The following TYR variants were observed in gnomAD, a reference collection of about 807,000 sequenced individuals.
TYR encodes tyrosinase, also known as LB24-AB.
TYR carries 58 observed loss-of-function variants against 51.5 expected under a neutral mutation model. The ratio of observed to expected loss-of-function variants is 1.13; its 90% CI spans 0.91 to 1.40. The LOEUF (loss-of-function observed/expected upper bound fraction) is 1.40. TYR is among the 40% of genes most tolerant of loss of function. TYR has a pLI of 0.00. For synonymous variants in TYR, 263 were observed against 235.2 expected, an observed-to-expected ratio of 1.12 and a Z score of -1.08; for missense variants, 732 against 647.4, an observed-to-expected ratio of 1.13 and a Z score of -1.42.
At chr11:89,196,267 C>T (rs894656418) in intron 2 of TYR, among the ~76,000 whole-genome samples, 1 of 151,956 alleles carries the variant, frequency 6.6e-6, no homozygotes, top group Non-Finnish European at 1.5e-5. Flanking sequence ...TAATGGCCTA[C>T]ATTTAGTGGA....
chr11:89,212,362 A>G (rs1174629460), intron 2 of TYR, among the ~76,000 whole-genome samples: 1 of 152,146 alleles, frequency 6.6e-6, no homozygotes, highest in Non-Finnish European at 1.5e-5. Flanking sequence ...TCCTCAACAC[A>G]TACACCCTCC....
intron 1 of TYR, among the ~76,000 whole-genome samples, chr11:89,189,745 T>C (rs182476285): frequency 1.3e-5 from 2 of 152,168 alleles, no homozygotes; most frequent in African/African-American, 4.8e-5. Flanking sequence ...CTTCATTTGA[T>C]AGATGAGGCC....
intron 3 of TYR, among the ~76,000 whole-genome samples, chr11:89,236,235 T>C (rs201947165): frequency 2.7e-5 from 4 of 148,818 alleles, no homozygotes; most frequent in East Asian, 2.0e-4. Context: ...CACACACACA[T>C]ACACACACAC....
At chr11:89,283,755 T>C (rs1476196251) in intron 3 of TYR, 1 of 151,900 alleles carries the variant, frequency 6.6e-6, no homozygotes, top group Non-Finnish European at 1.5e-5. Flanking sequence ...TCTCTATAAA[T>C]TACTCTACAA....
At chr11:89,265,432 T>C (rs1200116431) in intron 3 of TYR, among the ~76,000 whole-genome samples, 1 of 152,092 alleles carries the variant, frequency 6.6e-6, no homozygotes, top group Non-Finnish European at 1.5e-5. Flanking sequence ...ATAGCTCCTA[T>C]TACCCTTGAT....
intron 3 of TYR, among the ~76,000 whole-genome samples, chr11:89,281,642 A>G (rs1398279309): frequency 6.6e-6 from 1 of 151,786 alleles, no homozygotes; most frequent in Non-Finnish European, 1.5e-5. Flanking sequence ...TGAGGATGGC[A>G]GTTTGCCCCG....
chr11:89,219,738 A>G (rs934825405), intron 2 of TYR, among the ~76,000 whole-genome samples: 1 of 152,158 alleles, frequency 6.6e-6, no homozygotes, highest in Non-Finnish European at 1.5e-5. Context: ...TGGTGACACT[A>G]CCAAAAATTC....
At chr11:89,204,665 T>C (rs1040389755) in intron 2 of TYR, among the ~76,000 whole-genome samples, 21 of 152,228 alleles carry the variant, frequency 1.4e-4, no homozygotes, top group African/African-American at 4.8e-4. Context: ...CCCAAAGTAC[T>C]GGGATTACAG....
intron 1 of TYR, among the ~76,000 whole-genome samples, chr11:89,183,874 A>G (rs1430627914): frequency 6.6e-6 from 1 of 152,154 alleles, no homozygotes; most frequent in South Asian, 2.1e-4. Context: ...TGTCATTATT[A>G]AACACTTTAC....
At chr11:89,198,754 C>CATATATATATATATATATATATAT (rs144458836) in intron 2 of TYR, among the ~76,000 whole-genome samples, 20 of 146,386 alleles carry the variant, frequency 1.4e-4, no homozygotes, top group African/African-American at 5.3e-4. Flanking sequence ...ACTTTTTTCT[C>CATATATATATATATATATATATAT]ATATATATAT....
At chr11:89,185,932 G>A (rs1212978585) in intron 1 of TYR, among the ~76,000 whole-genome samples, 1 of 152,068 alleles carries the variant, frequency 6.6e-6, no homozygotes, top group African/African-American at 2.4e-5. Context: ...AAATAATTTG[G>A]TGAAGGATTC....
intron 4 of TYR, among the ~76,000 whole-genome samples, chr11:89,286,378 G>A (rs376451533): frequency 6.6e-6 from 1 of 151,820 alleles, no homozygotes; most frequent in African/African-American, 2.4e-5. Flanking sequence ...GTTTATAATA[G>A]TTCACACATA....
intron 3 of TYR, among the ~76,000 whole-genome samples, chr11:89,235,075 A>T (rs188746805): frequency 1.3e-4 from 20 of 152,284 alleles, no homozygotes; most frequent in African/African-American, 4.6e-4. Flanking sequence ...TAAGCAGATG[A>T]AAAAATGCTC....
At position 89,191,294 on chromosome 11, in the gene TYR, T is replaced by G; in HGVS notation, c.912T>G (p.His304Gln). ...EGPLRRNPGN[H>Q]DKSRTPRLPS... Reference sequence around the variant, plus strand: ...CTTTACGGCGTAATCCTGGAAACCATGACAAATCCAGAACCCCAAGGCTCC... The same window carrying G: ...CTTTACGGCGTAATCCTGGAAACCAGGACAAATCCAGAACCCCAAGGCTCC... The change falls in exon 2 of 5, where the codon CAT becomes CAG. Residue 304 changes from histidine (H) to glutamine (Q), a missense_variant. Physicochemically the swap from His to Gln is conservative, Grantham distance 24 (BLOSUM62 0). Coordinates refer to ENST00000263321, the MANE Select transcript of TYR (RefSeq NM_000372.5). The G allele has an allele frequency of 6.2e-7, 1 of 1,613,698 alleles. No individual in the cohort carries two copies. Among genetic ancestry groups the G allele is most frequent in the East Asian group, 2.2e-5 (1 of 44,858 alleles).
chr11:89,228,082 G>A, intron 3 of TYR, 112 bp downstream of exon 3: 1 of 1,370,760 alleles, frequency 7.3e-7, no homozygotes, highest in Non-Finnish European at 1.0e-6. Flanking sequence ...GTAGTCTATT[G>A]TCTGTGATCA....
intron 3 of TYR, among the ~76,000 whole-genome samples, chr11:89,280,896 G>C (rs1293574315): frequency 6.6e-6 from 1 of 151,610 alleles, no homozygotes. Context: ...AGTTTCTCTA[G>C]TGTATTTGTT....
intron 2 of TYR, among the ~76,000 whole-genome samples, chr11:89,194,836 C>T (rs1485732128): frequency 6.6e-6 from 1 of 152,154 alleles, no homozygotes; most frequent in African/African-American, 2.4e-5. Flanking sequence ...ATTTCATATA[C>T]ACATTTTTTA....
intron 3 of TYR, among the ~76,000 whole-genome samples, chr11:89,257,334 T>C (rs1944405401): frequency 6.6e-6 from 1 of 151,964 alleles, no homozygotes; most frequent in Non-Finnish European, 1.5e-5. Flanking sequence ...ACAATAACAA[T>C]AACAAACTTA....
intron 3 of TYR, among the ~76,000 whole-genome samples, chr11:89,274,144 A>C (rs1488650751): frequency 2.0e-5 from 3 of 151,910 alleles, no homozygotes; most frequent in African/African-American, 7.2e-5. Context: ...CCCAGTTTGC[A>C]GAATTGTTAA....
Sources: allele counts gnomAD v4.1 joint callset (sites outside exome capture counted in the v4.1 genomes callset), GRCh38; gene constraint gnomAD v4.1.1; transcripts MANE v1.5; gene names NCBI Gene and HGNC (gene_info 2026-07-23, HGNC 2026-07-21).